Variants in SP110 observed in about 807,000 individuals in gnomAD.
SP110 encodes SP110 nuclear body protein, also known as interferon-induced protein 41, 30kD.
In SP110, 62 loss-of-function variants were observed where a neutral mutation model predicts 92.7. That is an observed-to-expected ratio of 0.67 (90% CI 0.55 to 0.83). SP110 has a LOEUF of 0.83. Among genes scored for constraint, SP110 ranks in the 40% least tolerant of loss-of-function variants. SP110 has a pLI of 0.00. For missense variants in SP110, 793 were observed against 863.9 expected (o/e 0.92, Z 1.03); for synonymous variants, 273 against 305.3 (o/e 0.89, Z 1.10).
At chr2:230,189,998 C>T (rs1010858306) in intron 10 of SP110, among the ~76,000 whole-genome samples, 2 of 152,160 alleles carry the variant, frequency 1.3e-5, no homozygotes, top group Non-Finnish European at 2.9e-5. Flanking sequence ...ATGGTAAATA[C>T]TGCTGCGATA....
intron 8 of SP110, among the ~76,000 whole-genome samples, chr2:230,207,747 C>T (rs1441321577): frequency 6.6e-6 from 1 of 152,162 alleles, no homozygotes; most frequent in Non-Finnish European, 1.5e-5. Context: ...GATCTGAATC[C>T]AAGCCACCAA....
At chr2:230,196,812 A>T (rs569566917) in intron 10 of SP110, among the ~76,000 whole-genome samples, 1 of 151,714 alleles carries the variant, frequency 6.6e-6, no homozygotes, top group African/African-American at 2.4e-5. Context: ...TTGTCCTTGC[A>T]ATAGTTTGCA....
chr2:230,188,244 G>C (rs928757659), intron 10 of SP110, among the ~76,000 whole-genome samples: 1 of 151,852 alleles, frequency 6.6e-6, no homozygotes, highest in African/African-American at 2.4e-5. Flanking sequence ...ATTTTATTTT[G>C]TTGAAGTTGT....
At chr2:230,218,014 C>T (rs2045414738) in intron 1 of SP110, among the ~76,000 whole-genome samples, 2 of 152,204 alleles carry the variant, frequency 1.3e-5, no homozygotes, top group Non-Finnish European at 2.9e-5. Flanking sequence ...CAGACATGCG[C>T]CTTTTCCCAT....
intron 10 of SP110, among the ~76,000 whole-genome samples, chr2:230,196,041 G>C (rs1047110453): frequency 1.3e-5 from 2 of 152,108 alleles, no homozygotes; most frequent in Non-Finnish European, 2.9e-5. Flanking sequence ...GGATGTTAAG[G>C]ATACCTAAAC....
At chr2:230,170,278 G>A (rs1447402263) in intron 18 of SP110, among the ~76,000 whole-genome samples, 1 of 152,022 alleles carries the variant, frequency 6.6e-6, no homozygotes, top group African/African-American at 2.4e-5. Flanking sequence ...ATATTTCTGA[G>A]GCAGGAAGAA....
intron 11 of SP110, 21 bp downstream of exon 11, chr2:230,185,973 A>G (rs201275367): frequency 1.4e-4 from 228 of 1,611,676 alleles, no homozygotes; most frequent in Middle Eastern, 8.3e-4. Flanking sequence ...TTCAAATAGC[A>G]GATTCCATCA....
Position 230,212,936 on chromosome 2 carries a change from T to C in SP110, c.408A>G (p.Pro136=), listed in dbSNP as rs1440981238. The change falls in exon 4 of 19, where the codon CCA becomes CCG. Residue 136 remains proline (P), a synonymous_variant. Coordinates refer to ENST00000258381, the MANE Select transcript of SP110 (RefSeq NM_080424.4). ...GGGGTTGTGGTGGGGGCAGCGCCAG[T>C]GGGGTATGGAGGGAGCTTCCTTCTG... ...GLAEGSSLHT[P]LALPPPQPPQ... 2.0e-5 allele frequency: 32 copies of C among 1,613,756 alleles called. No homozygotes were observed. Among genetic ancestry groups the C allele is most frequent in the Non-Finnish European group, 2.6e-5 (31 of 1,179,956 alleles).
upstream of SP110, among the ~76,000 whole-genome samples, chr2:230,221,553 T>A (rs902356288): frequency 3.9e-5 from 6 of 152,098 alleles, no homozygotes; most frequent in Non-Finnish European, 8.8e-5. Flanking sequence ...AACAGAGGCA[T>A]GGAAGCCACA....
intron 18 of SP110, among the ~76,000 whole-genome samples, chr2:230,170,250 GTTTA>G (rs59055969): frequency 0.43 from 64,599 of 151,472 alleles, 13,892 homozygotes; most frequent in Middle Eastern, 0.52. Flanking sequence ...ATTTTATGTT[GTTTA>G]CTTATTTATT....
chr2:230,182,515 A>G (rs12619729), intron 12 of SP110, among the ~76,000 whole-genome samples: 120,294 of 151,894 alleles, frequency 0.79, 47,741 homozygotes, highest in Admixed American at 0.84. Flanking sequence ...AAAGGGAGGA[A>G]GATAGGGGGA....
At chr2:230,172,242 C>T (rs1574590422) in intron 15 of SP110, 68 bp from the exon 16 acceptor site, 4 of 967,170 alleles carry the variant, frequency 4.1e-6, no homozygotes, top group Non-Finnish European at 6.8e-6. Context: ...CCTGTGGCTG[C>T]CACTGTCTTC....
At chr2:230,219,228 AAAC>A (rs1000237990) in intron 1 of SP110, among the ~76,000 whole-genome samples, 16 of 152,206 alleles carry the variant, frequency 1.1e-4, no homozygotes, top group Admixed American at 6.5e-4. Context: ...CCGTCTCAGA[AAAC>A]AACAACAACA....
rs2078348679 is a variant in SP110 at position 230,168,508 on chromosome 2, A to G, written c.*616T>C. 6.6e-6 allele frequency: 1 copy of G among 152,558 alleles called. No individual in the cohort carries two copies. Among genetic ancestry groups the G allele is most frequent in the African/African-American group, 2.4e-5 (1 of 41,442 alleles). 9.5% of individuals were successfully genotyped at this position (152,558 alleles called of 1,614,324 possible). A position where few individuals can be genotyped will look rare whatever the true frequency, so the allele number is the denominator to read the frequency against. On this transcript the variant is annotated 3_prime_UTR_variant, in exon 19 of 19. Coordinates refer to ENST00000258381, the MANE Select transcript of SP110 (RefSeq NM_080424.4). ...AGATGATCAGGCTGATAACACGTGCACCTGCTGCCAACCTTAACATAAAAA... is the reference window on the plus strand; with the variant it reads ...AGATGATCAGGCTGATAACACGTGCGCCTGCTGCCAACCTTAACATAAAAA...
At chr2:230,180,684 T>A (rs888566511) in intron 12 of SP110, among the ~76,000 whole-genome samples, 3 of 152,028 alleles carry the variant, frequency 2.0e-5, no homozygotes, top group Non-Finnish European at 4.4e-5. Flanking sequence ...TTCCACATCA[T>A]CAGAAATGCC....
chr2:230,216,618 A>G (rs969986996), intron 2 of SP110, among the ~76,000 whole-genome samples, 163 bp downstream of exon 2: 1 of 152,186 alleles, frequency 6.6e-6, no homozygotes, highest in Non-Finnish European at 1.5e-5. Flanking sequence ...CATAGCCCCT[A>G]TGACACCCTC....
chr2:230,173,002 C>T (rs1185823887), intron 14 of SP110, 43 bp from the exon 15 acceptor site: 7 of 1,276,322 alleles, frequency 5.5e-6, no homozygotes, highest in Admixed American at 1.7e-5. Context: ...ACCATGGAGA[C>T]CCACGAATGC....
chr2:230,223,490 T>G (rs1314320310), upstream of SP110, among the ~76,000 whole-genome samples: 1 of 152,208 alleles, frequency 6.6e-6, no homozygotes, highest in African/African-American at 2.4e-5. Flanking sequence ...CCCAATATAG[T>G]TCTAAGAAAT....
intron 12 of SP110, among the ~76,000 whole-genome samples, chr2:230,182,851 A>G (rs756121603): frequency 1.3e-5 from 2 of 152,216 alleles, no homozygotes; most frequent in Non-Finnish European, 2.9e-5. Context: ...GAATCAATGC[A>G]CTGCTGTCTC....
Sources: gnomAD v4.1 joint callset for allele counts (sites outside exome capture counted in the v4.1 genomes callset) on GRCh38, gnomAD v4.1.1 for gene constraint, MANE v1.5 for transcripts, NCBI Gene and HGNC (gene_info 2026-07-23, HGNC 2026-07-21) for gene names.